The following THSD4 variants were observed in gnomAD, a reference collection of about 807,000 sequenced individuals.
THSD4 encodes thrombospondin type-1 domain-containing protein 4.
In THSD4, 69 loss-of-function variants were observed where a neutral mutation model predicts 119.0. The observed-to-expected ratio is 0.58, with a 90% CI of 0.48 to 0.71. THSD4 has a LOEUF of 0.71. Ranked by LOEUF, THSD4 falls within the 30% of genes least tolerant of loss-of-function variation. The probability of loss-of-function intolerance (pLI) is 0.00; values close to 1 mark genes in which losing one functional copy is unlikely to be tolerated. For synonymous variants in THSD4, 524 were observed against 540.4 expected (o/e 0.97, Z 0.42); for missense variants, 1,393 against 1,391.1 (o/e 1.00, Z -0.02).
At chr15:71,600,738 TTC>T (rs67761440) in intron 7 of THSD4, among the ~76,000 whole-genome samples, 10,786 of 147,098 alleles carry the variant, frequency 0.073, 435 homozygotes, top group South Asian at 0.11. Context: ...GTCTTTTTTT[TTC>T]TTTCTTTCTT....
intron 14 of THSD4, among the ~76,000 whole-genome samples, chr15:71,755,480 T>C (rs190441689): frequency 2.6e-5 from 4 of 152,106 alleles, no homozygotes; most frequent in African/African-American, 4.8e-5. Flanking sequence ...ATTGACTCTA[T>C]TTTTAAGAAA....
intron 7 of THSD4, among the ~76,000 whole-genome samples, chr15:71,564,918 G>C (rs905790880): frequency 6.6e-6 from 1 of 151,266 alleles, no homozygotes; most frequent in Non-Finnish European, 1.5e-5. Context: ...ATATATCCAG[G>C]ACAAAAAGGT....
chr15:71,406,121 T>C (rs1392487520), intron 6 of THSD4, among the ~76,000 whole-genome samples: 1 of 152,146 alleles, frequency 6.6e-6, no homozygotes, highest in Non-Finnish European at 1.5e-5. Flanking sequence ...GTTTTTTTTT[T>C]CTTGATTATT....
chr15:71,318,405 C>A (rs536843048), intron 6 of THSD4, among the ~76,000 whole-genome samples: 21 of 152,132 alleles, frequency 1.4e-4, no homozygotes, highest in Non-Finnish European at 2.6e-4. Context: ...TTTTCTACAC[C>A]TGGGACATTT....
chr15:71,660,456 G>A, intron 7 of THSD4, 74 bp from the exon 8 acceptor site: 2 of 1,577,352 alleles, frequency 1.3e-6, no homozygotes, highest in South Asian at 2.3e-5. Flanking sequence ...TTCTTGCCCA[G>A]GGATCTTCTC....
intron 6 of THSD4, among the ~76,000 whole-genome samples, chr15:71,366,307 C>G (rs895064793): frequency 1.3e-5 from 2 of 152,152 alleles, no homozygotes; most frequent in African/African-American, 4.8e-5. Flanking sequence ...ATCTCCCGTC[C>G]TCATGATCCG....
intron 8 of THSD4, among the ~76,000 whole-genome samples, chr15:71,689,188 C>G (rs2051989724): frequency 6.6e-6 from 1 of 152,262 alleles, no homozygotes; most frequent in Non-Finnish European, 1.5e-5. Flanking sequence ...TGTTTTTAAC[C>G]CTCAAAAAGT....
intron 8 of THSD4, among the ~76,000 whole-genome samples, chr15:71,661,647 C>T (rs149499306): frequency 0.014 from 2,117 of 152,154 alleles, 53 homozygotes; most frequent in African/African-American, 0.048. Flanking sequence ...CTGCCCACCT[C>T]GACCTCCCAA....
At chr15:71,770,914 G>A (rs1431724587) in intron 16 of THSD4, 150 bp from the exon 17 acceptor site, 6 of 1,171,138 alleles carry the variant, frequency 5.1e-6, no homozygotes, top group Non-Finnish European at 4.8e-6. Context: ...GTTGCTGATT[G>A]TTGAAGCTGG....
At chr15:71,229,920 G>C (rs1299014473) in intron 4 of THSD4, among the ~76,000 whole-genome samples, 7 of 152,200 alleles carry the variant, frequency 4.6e-5, no homozygotes, top group Admixed American at 3.3e-4. Context: ...GAAATTGAGA[G>C]TGGGAGAAAC....
At position 71,746,982 on chromosome 15, in the gene THSD4, C is replaced by T; in HGVS notation, c.2181C>T (p.Thr727=). 6.2e-7 allele frequency: 1 copy of T among 1,613,616 alleles called. No homozygotes were observed. Residue 727 remains threonine (T), a synonymous_variant, in exon 13 of 18, where the codon ACC becomes ACT. Transcript: ENST00000261862. ...GCCAGCACCTGGAGAAACCTGAGAC[C>T]ACCAGCACCTGCCAACTCAAGATCT... ...YRCQHLEKPE[T]TSTCQLKICS...
intron 6 of THSD4, among the ~76,000 whole-genome samples, chr15:71,377,914 A>ACACCCACACACCCACACACCT (rs57687864): frequency 4.1e-5 from 6 of 146,256 alleles, no homozygotes; most frequent in African/African-American, 1.3e-4. Flanking sequence ...ACACACACAC[A>ACACCCACACACCCACACACCT]ATTTCCTTCA....
intron 7 of THSD4, among the ~76,000 whole-genome samples, chr15:71,445,676 T>G (rs955411719): frequency 2.0e-5 from 3 of 152,204 alleles, no homozygotes; most frequent in African/African-American, 7.2e-5. Flanking sequence ...CAAATTGTGA[T>G]CTAAAGTAGA....
intron 8 of THSD4, among the ~76,000 whole-genome samples, chr15:71,681,841 A>G (rs908178182): frequency 1.3e-5 from 2 of 152,186 alleles, no homozygotes; most frequent in African/African-American, 2.4e-5. Flanking sequence ...ACGGAAGTTG[A>G]TCAACACTTG....
chr15:71,780,122 GTC>G lies in THSD4; in HGVS notation c.*2752_*2753del, dbSNP rs1021042315. On this transcript the variant is annotated 3_prime_UTR_variant, in exon 18 of 18. Coordinates refer to ENST00000261862, the MANE Select transcript of THSD4 (RefSeq NM_024817.3). ...TCGGTAGCCATCTCCCTCCAAATAT[GTC>G]TCTTTCTGCTTTCTTAGTGCCCATT... The G allele has an allele frequency of 4.6e-5, 7 of 152,148 alleles. No homozygotes were observed. Among genetic ancestry groups the G allele is most frequent in the African/African-American group, 1.7e-4 (7 of 41,366 alleles). The allele number at this position is 152,148 out of a possible 1,614,324, so 9.4% of individuals were successfully genotyped here.
At chr15:71,711,954 G>A (rs1265530213) in intron 8 of THSD4, among the ~76,000 whole-genome samples, 1 of 152,102 alleles carries the variant, frequency 6.6e-6, no homozygotes, top group Non-Finnish European at 1.5e-5. Flanking sequence ...CCCCAACAAT[G>A]CTTGGACACT....
chr15:71,486,320 C>G (rs2047816062), intron 7 of THSD4, among the ~76,000 whole-genome samples: 2 of 152,144 alleles, frequency 1.3e-5, no homozygotes, highest in African/African-American at 4.8e-5. Flanking sequence ...ACTTCCAGTT[C>G]CACTTGTGGG....
chr15:71,654,363 A>G (rs1044099878), intron 7 of THSD4, among the ~76,000 whole-genome samples: 2 of 152,242 alleles, frequency 1.3e-5, no homozygotes, highest in African/African-American at 4.8e-5. Flanking sequence ...GAAGATTTTA[A>G]TGAGAATAAC....
chr15:71,311,688 A>T (rs906855130), intron 6 of THSD4, among the ~76,000 whole-genome samples: 1 of 152,164 alleles, frequency 6.6e-6, no homozygotes, highest in Non-Finnish European at 1.5e-5. Context: ...CTTGTGTATC[A>T]TATAATAAAA....
Sources: gnomAD v4.1 joint callset for allele counts (sites outside exome capture counted in the v4.1 genomes callset) on GRCh38, gnomAD v4.1.1 for gene constraint, MANE v1.5 for transcripts, NCBI Gene and HGNC (gene_info 2026-07-23, HGNC 2026-07-21) for gene names.